FBXW10: variants seen among roughly 807,000 people sequenced by gnomAD.
The protein encoded by FBXW10 is F-box/WD repeat-containing protein 10.
FBXW10 carries 68 observed loss-of-function variants against 113.1 expected under a neutral mutation model. The ratio of observed to expected loss-of-function variants is 0.60; its 90% CI spans 0.49 to 0.74. The LOEUF (loss-of-function observed/expected upper bound fraction) is 0.74. FBXW10 is among the 30% of genes least tolerant of loss of function. The pLI is 0.00. For synonymous variants in FBXW10, 289 were observed against 481.6 expected (o/e 0.60, Z 5.24); for missense variants, 753 against 1,284.5 (o/e 0.59, Z 6.32).
intron 5 of FBXW10, among the ~76,000 whole-genome samples, chr17:18,753,823 G>A (rs2035212489): frequency 6.6e-6 from 1 of 151,620 alleles, no homozygotes; most frequent in South Asian, 2.1e-4. Context: ...GTAGTGAGCC[G>A]AGATCACGCC....
chr17:18,766,842 G>A lies in FBXW10; in HGVS notation c.1684G>A (p.Ala562Thr). 6.2e-7 allele frequency: 1 copy of A among 1,604,682 alleles called. No individual in the cohort carries two copies. The highest frequency in any genetic ancestry group is 8.5e-7 in the Non-Finnish European group (1 of 1,173,132). Residue 562 changes from alanine (A) to threonine (T), a missense_variant, in exon 9 of 14, where the codon GCC (alanine) becomes ACC (threonine). Transcript: ENST00000395665. ...ERGLVKVWHI[A>T]MAQLVKTLSG... is the part of the protein sequence containing the mutation. ...AGGGCTGGTGAAAGTGTGGCACATT[G>A]CCATGGCCCAGTTGGTAAAGGTAAG...
intron 7 of FBXW10, among the ~76,000 whole-genome samples, chr17:18,761,056 C>A (rs2035372200): frequency 6.6e-6 from 1 of 152,028 alleles, no homozygotes; most frequent in Admixed American, 6.6e-5. Flanking sequence ...ATATAACCTG[C>A]CACTTCCTGC....
At chr17:18,765,207 A>C (rs993744155) in intron 8 of FBXW10, among the ~76,000 whole-genome samples, 13 of 152,220 alleles carry the variant, frequency 8.5e-5, no homozygotes, top group African/African-American at 3.1e-4. Flanking sequence ...GAATATAATA[A>C]GTCCATGAAC....
At chr17:18,775,589 C>T (rs1420603312) in intron 13 of FBXW10, among the ~76,000 whole-genome samples, 1 of 151,922 alleles carries the variant, frequency 6.6e-6, no homozygotes, top group African/African-American at 2.4e-5. Context: ...GAAATGGGCA[C>T]AATAAAAGAG....
At chr17:18,776,477 G>A (rs2035701497) in intron 13 of FBXW10, among the ~76,000 whole-genome samples, 2 of 152,194 alleles carry the variant, frequency 1.3e-5, no homozygotes, top group South Asian at 4.1e-4. Context: ...AGACTGGTTT[G>A]AAGTTGACGG....
intron 9 of FBXW10, among the ~76,000 whole-genome samples, chr17:18,768,032 TTC>T (rs1462431530): frequency 4.7e-5 from 7 of 148,052 alleles, no homozygotes; most frequent in African/African-American, 1.7e-4. Flanking sequence ...CCTTTCTTCC[TTC>T]CTTCCTTCCT....
intron 8 of FBXW10, among the ~76,000 whole-genome samples, chr17:18,765,845 G>A (rs1276599877): frequency 1.3e-5 from 2 of 151,884 alleles, no homozygotes; most frequent in Non-Finnish European, 2.9e-5. Context: ...TCCTGCCTCA[G>A]CCTCCCGAGT....
At chr17:18,749,407 C>T (rs1403868243) in intron 2 of FBXW10, among the ~76,000 whole-genome samples, 8 of 151,598 alleles carry the variant, frequency 5.3e-5, no homozygotes, top group East Asian at 3.9e-4. Context: ...ATTAGCCGGG[C>T]GTGGTGGCGG....
At chr17:18,777,234 T>G (rs2035719208) in intron 13 of FBXW10, among the ~76,000 whole-genome samples, 1 of 151,698 alleles carries the variant, frequency 6.6e-6, no homozygotes. Flanking sequence ...GCTAATTTTT[T>G]TGTATTTTTA....
At chr17:18,772,352 G>A (rs552514703) in intron 11 of FBXW10, 60 bp from the exon 12 acceptor site, 62 of 1,521,396 alleles carry the variant, frequency 4.1e-5, no homozygotes, top group Middle Eastern at 1.8e-4. Context: ...GGTAACTGCA[G>A]TGCATCTTTC....
At chr17:18,744,895 T>G (rs1478328161) in intron 1 of FBXW10, 146 bp downstream of exon 1, 2 of 1,475,520 alleles carry the variant, frequency 1.4e-6, no homozygotes, top group African/African-American at 2.8e-5. Flanking sequence ...ACTGACACCT[T>G]GTCCTGACAC....
intron 1 of FBXW10, among the ~76,000 whole-genome samples, chr17:18,747,717 C>T (rs1003389952): frequency 1.3e-5 from 2 of 152,084 alleles, no homozygotes; most frequent in Admixed American, 1.3e-4. Flanking sequence ...GTATAAACAA[C>T]TCGAGAAATT....
intron 13 of FBXW10, among the ~76,000 whole-genome samples, chr17:18,777,745 G>A (rs1388324373): frequency 6.6e-6 from 1 of 151,004 alleles, no homozygotes; most frequent in East Asian, 2.0e-4. Flanking sequence ...GGGTTTCACC[G>A]TGTTAGCCAG....
intron 5 of FBXW10, 78 bp from the exon 6 acceptor site, chr17:18,755,967 A>C (rs2035252617): frequency 7.1e-7 from 1 of 1,400,098 alleles, no homozygotes; most frequent in Non-Finnish European, 9.9e-7. Flanking sequence ...TGCCCTTACC[A>C]GGGAGACCCT....
rs770949713 is a variant in FBXW10, at chr17:18,751,053, G to T, written c.1122G>T (p.Lys374Asn). ...VKHPKWKLRT[K>N]NEYNLWTAYQ... ...ATCCGAAGTGGAAGCTGAGAACGAA[G>T]GTGGGTTCCAACAGCATCTGGGGCA... Residue 374 changes from lysine to asparagine, a missense_variant and splice_region_variant, in exon 5 of 14, where the codon AAG (lysine) becomes AAT (asparagine). Transcript: ENST00000395665. 15 of 1,613,888 alleles carry T rather than the reference G, an allele frequency of 9.3e-6. No individual in the cohort carries two copies. The Middle Eastern group carries it at 5.0e-4, about 53-fold the overall frequency.
At chr17:18,755,124 G>C (rs931431892) in intron 5 of FBXW10, among the ~76,000 whole-genome samples, 3 of 152,032 alleles carry the variant, frequency 2.0e-5, no homozygotes, top group Non-Finnish European at 4.4e-5. Flanking sequence ...TTAGCCAGGC[G>C]TGGTGGCACA....
At chr17:18,767,255 G>A (rs1340516512) in intron 9 of FBXW10, among the ~76,000 whole-genome samples, 1 of 152,022 alleles carries the variant, frequency 6.6e-6, no homozygotes, top group African/African-American at 2.4e-5. Context: ...GGCGGATCAT[G>A]AGGTCAGGAG....
chr17:18,758,222 A>C lies in FBXW10; in HGVS notation c.1233-83A>C, dbSNP rs991853126. On this transcript the variant is annotated intron_variant, in intron 6 of 13. Transcript: ENST00000395665. ...GGATTTTCCTTTACACCACTGCTGT[A>C]GGCAAAAGTCATGGGGCTAAGTCAG... The C allele has an allele frequency of 3.6e-5, 44 of 1,225,084 alleles. No homozygotes were observed. The Admixed American group carries it at 8.6e-4, about 24-fold the overall frequency. The allele number at this position is 1,225,084 out of a possible 1,614,324, so 75.9% of individuals were successfully genotyped here.
chr17:18,761,366 T>C (rs1263159093), intron 7 of FBXW10, among the ~76,000 whole-genome samples: 3 of 151,686 alleles, frequency 2.0e-5, no homozygotes, highest in East Asian at 1.9e-4. Context: ...TCCGTGATCA[T>C]GCCATTCTCC....
Sources: allele counts gnomAD v4.1 joint callset (sites outside exome capture counted in the v4.1 genomes callset), GRCh38; gene constraint gnomAD v4.1.1; transcripts MANE v1.5; gene names NCBI Gene and HGNC (gene_info 2026-07-23, HGNC 2026-07-21).